Variants in SCAI observed in about 807,000 individuals in gnomAD.
SCAI encodes the protein protein SCAI.
In SCAI, 24 loss-of-function variants were observed where a neutral mutation model predicts 92.2. The ratio of observed to expected loss-of-function variants is 0.26; its 90% CI spans 0.19 to 0.37. SCAI has a LOEUF of 0.37. SCAI is among the 10% of genes least tolerant of loss of function. SCAI has a pLI of 1.00. For synonymous variants in SCAI, 261 were observed against 258.6 expected, an observed-to-expected ratio of 1.01 and a Z score of -0.09; for missense variants, 450 against 736.2, an observed-to-expected ratio of 0.61 and a Z score of 4.50.
rs1362418638 is a variant in SCAI, at chr9:125,010,019, C to G, written c.862-6449G>C. Among the ~76,000 whole-genome samples the G allele has an allele frequency of 2.0e-5, 3 of 152,162 alleles. No homozygotes were observed. The East Asian group carries it at 5.8e-4, about 29-fold the overall frequency. On this transcript the variant is annotated intron_variant, in intron 9 of 17. Coordinates refer to ENST00000336505, the MANE Select transcript of SCAI (RefSeq NM_001144877.3). ...ACCATTCTGGTTAACACGGTGAAAC[C>G]CTGTCTCTACTAAAAATACAAAAAA...
chr9:125,129,152 G>A (rs1835343473), intron 2 of SCAI, among the ~76,000 whole-genome samples: 1 of 151,286 alleles, frequency 6.6e-6, no homozygotes, highest in South Asian at 2.1e-4. Context: ...AATGAAGAGG[G>A]AATGAGACAG....
chr9:125,092,219 G>C (rs1834445320), intron 2 of SCAI, among the ~76,000 whole-genome samples: 1 of 149,504 alleles, frequency 6.7e-6, no homozygotes, highest in Non-Finnish European at 1.5e-5. Flanking sequence ...AGAACTTTGG[G>C]AAGCCGAGGG....
At chr9:124,991,544 T>C (rs1832123400) in intron 14 of SCAI, among the ~76,000 whole-genome samples, 1 of 151,034 alleles carries the variant, frequency 6.6e-6, no homozygotes, top group Non-Finnish European at 1.5e-5. Flanking sequence ...TCTTTTCTCA[T>C]TAAAAACTTG....
At chr9:125,134,257 AT>A (rs2131269070) in intron 2 of SCAI, among the ~76,000 whole-genome samples, 1 of 152,302 alleles carries the variant, frequency 6.6e-6, no homozygotes, top group Non-Finnish European at 1.5e-5. Context: ...CAGAATTCCT[AT>A]AAACCCTTTG....
At chr9:125,100,539 T>C (rs1273956514) in intron 2 of SCAI, among the ~76,000 whole-genome samples, 1 of 152,192 alleles carries the variant, frequency 6.6e-6, no homozygotes, top group Non-Finnish European at 1.5e-5. Context: ...CAATCATTCA[T>C]TAAAGGCCTA....
intron 17 of SCAI, among the ~76,000 whole-genome samples, chr9:124,966,330 T>G (rs1831541886): frequency 1.3e-5 from 2 of 151,080 alleles, no homozygotes; most frequent in South Asian, 4.2e-4. Context: ...ATGCGGTGTT[T>G]GGTTTTTTGT....
chr9:125,032,195 A>ATTTTTTTT (rs71374219), intron 3 of SCAI, among the ~76,000 whole-genome samples: 55 of 99,446 alleles, frequency 5.5e-4, no homozygotes, highest in East Asian at 9.8e-4. Context: ...ATATATATAT[A>ATTTTTTTT]TTTTTTTTTT....
In SCAI at chr9:125,087,173, C is replaced by T. The variant is rs116337014; in HGVS notation, c.99-31166G>A. ...AGATGCAGGTATCAAATGTTAACAT[C>T]TGACTTATCTCTTCTGCTAAAGACA... On this transcript the variant is annotated intron_variant, in intron 2 of 17. Transcript: ENST00000336505. Among the ~76,000 whole-genome samples the T allele has an allele frequency of 5.5e-3, 836 of 152,320 alleles. 11 individuals carry two copies. Among genetic ancestry groups the T allele is most frequent in the African/African-American group, 0.019 (790 of 41,574 alleles).
chr9:124,968,732 A>T, intron 17 of SCAI: 2 of 1,362,026 alleles, frequency 1.5e-6, no homozygotes, highest in Non-Finnish European at 2.1e-6. Flanking sequence ...TGACATTCCG[A>T]ATCTGGTTGA....
intron 2 of SCAI, among the ~76,000 whole-genome samples, chr9:125,111,390 A>G (rs1834925978): frequency 6.6e-6 from 1 of 152,170 alleles, no homozygotes; most frequent in African/African-American, 2.4e-5. Flanking sequence ...AACGGGGACT[A>G]GATTTACCCT....
At chr9:125,014,930 G>T (rs542222759) in intron 9 of SCAI, among the ~76,000 whole-genome samples, 332 of 152,298 alleles carry the variant, frequency 2.2e-3, no homozygotes, top group African/African-American at 7.6e-3. Context: ...AAGCAATGGG[G>T]AAAGGATTCC....
chr9:125,077,900 G>A (rs1040244653), intron 2 of SCAI, among the ~76,000 whole-genome samples: 2 of 151,782 alleles, frequency 1.3e-5, no homozygotes, highest in Non-Finnish European at 2.9e-5. Flanking sequence ...TGTATTTTTA[G>A]TAGAGACAGT....
intron 3 of SCAI, among the ~76,000 whole-genome samples, chr9:125,036,842 C>T (rs753011606): frequency 1.7e-4 from 26 of 152,084 alleles, no homozygotes; most frequent in African/African-American, 4.1e-4. Flanking sequence ...AAAAAGTAGC[C>T]GGGCATGATG....
At chr9:125,115,501 T>C (rs1835026724) in intron 2 of SCAI, among the ~76,000 whole-genome samples, 3 of 151,280 alleles carry the variant, frequency 2.0e-5, no homozygotes, top group Non-Finnish European at 2.9e-5. Flanking sequence ...AACAGTGACA[T>C]AGTCATGTAA....
chr9:125,022,091 A>C (rs1826691396), intron 6 of SCAI, among the ~76,000 whole-genome samples: 1 of 152,160 alleles, frequency 6.6e-6, no homozygotes, highest in Admixed American at 6.6e-5. Flanking sequence ...CTTGTTACTC[A>C]AATCTTATAA....
chr9:125,096,678 A>T (rs1490352177), intron 2 of SCAI, among the ~76,000 whole-genome samples: 1 of 152,174 alleles, frequency 6.6e-6, no homozygotes, highest in Non-Finnish European at 1.5e-5. Context: ...GTCTTCCCAT[A>T]AAAGTTTATC....
intron 6 of SCAI, among the ~76,000 whole-genome samples, chr9:125,024,625 T>C (rs1832933716): frequency 6.6e-6 from 1 of 152,122 alleles, no homozygotes; most frequent in Non-Finnish European, 1.5e-5. Context: ...TCTAGCCTTG[T>C]CCAACCTGCT....
rs375518347 is a variant in SCAI, at chr9:125,026,898, C to T, written c.426G>A (p.Ser142=). ...AAGCCTCATTCAGATAGCTGGTTTCCGATGTGCGTAAGCTATGAGAAAAAA... is the reference window on the plus strand; with the variant it reads ...AAGCCTCATTCAGATAGCTGGTTTCTGATGTGCGTAAGCTATGAGAAAAAA... The part of the protein sequence containing the change: ...QLYYHYYLRT[S]ETSYLNEAFS... Residue 142 remains serine (S), a synonymous_variant, in exon 6 of 18, where the codon TCG becomes TCA. Coordinates refer to ENST00000336505, the MANE Select transcript of SCAI (RefSeq NM_001144877.3). The T allele has an allele frequency of 6.3e-6, 10 of 1,593,922 alleles. No individual in the cohort carries two copies. Among genetic ancestry groups the T allele is most frequent in the Admixed American group, 3.4e-5 (2 of 59,326 alleles).
At chr9:125,009,062 GA>G (rs543801181) in intron 9 of SCAI, among the ~76,000 whole-genome samples, 7 of 151,434 alleles carry the variant, frequency 4.6e-5, no homozygotes, top group Admixed American at 1.3e-4. Flanking sequence ...TCAAAGTGCT[GA>G]AAAAAAATTA....
Sources: allele counts gnomAD v4.1 joint callset (sites outside exome capture counted in the v4.1 genomes callset), GRCh38; gene constraint gnomAD v4.1.1; transcripts MANE v1.5; gene names NCBI Gene and HGNC (gene_info 2026-07-23, HGNC 2026-07-21).